The following TUSC3 variants were observed in gnomAD, a reference collection of about 807,000 sequenced individuals.
The protein encoded by TUSC3 is dolichyl-diphosphooligosaccharide--protein glycosyltransferase subunit TUSC3.
In TUSC3, 45 loss-of-function variants were observed where a neutral mutation model predicts 44.8. The observed-to-expected ratio is 1.00, with a 90% CI of 0.79 to 1.29. The LOEUF is 1.29. Among genes scored for constraint, TUSC3 ranks in the 50% most tolerant of loss-of-function variants. The pLI is 0.00. For synonymous variants in TUSC3, 212 were observed against 152.9 expected (o/e 1.39, Z -2.85); for missense variants, 519 against 437.9 (o/e 1.19, Z -1.65).
rs376749620 is a variant in TUSC3 at position 15,730,631 on chromosome 8, C to T, written c.799-35C>T. On this transcript the variant is annotated intron_variant, in intron 6 of 10. Transcript: ENST00000503731. The stretch of plus-strand genomic sequence containing the variant: ...AACTACAAAATAATTATGAGGCTTT[C>T]TCAGACTGTAATTTCTGTTTGTCTT... The T allele has an allele frequency of 4.8e-5, 77 of 1,603,896 alleles. No homozygotes were observed. In the African/African-American group the frequency reaches 8.4e-4, roughly 18 times the overall value.
chr8:15,748,001 C>A (rs1422952570), intron 8 of TUSC3, among the ~76,000 whole-genome samples: 1 of 152,072 alleles, frequency 6.6e-6, no homozygotes, highest in Non-Finnish European at 1.5e-5. Flanking sequence ...TGCTTCATAA[C>A]GCAAGAGGCA....
At chr8:15,743,117 A>T (rs1405641755) in intron 7 of TUSC3, among the ~76,000 whole-genome samples, 1 of 152,222 alleles carries the variant, frequency 6.6e-6, no homozygotes, top group East Asian at 1.9e-4. Context: ...ACTAAACAAA[A>T]TCTATGAAAA....
chr8:15,828,717 A>T, the TUSC3 span, among the ~76,000 whole-genome samples: 3 of 152,234 alleles, frequency 2.0e-5, no homozygotes, highest in Admixed American at 1.3e-4. Flanking sequence ...CTTCTCTGTG[A>T]TACCACAGAC....
upstream of TUSC3, among the ~76,000 whole-genome samples, chr8:15,536,310 T>C (rs1801520842): frequency 6.6e-6 from 1 of 152,144 alleles, no homozygotes; most frequent in African/African-American, 2.4e-5. Context: ...AGATTTTGCA[T>C]TTGCTGGTGA....
chr8:15,785,375 G>T, the TUSC3 span, among the ~76,000 whole-genome samples: 8 of 151,764 alleles, frequency 5.3e-5, no homozygotes, highest in East Asian at 3.9e-4. Context: ...TTGCTTTTAG[G>T]TCTTAGCCTA....
chr8:15,479,109 G>A (rs1800623689), intron 1 of TUSC3, among the ~76,000 whole-genome samples: 2 of 152,042 alleles, frequency 1.3e-5, no homozygotes, highest in Non-Finnish European at 2.9e-5. Flanking sequence ...CATGTCCTTT[G>A]CCTGCTTTTT....
chr8:15,660,872 A>G (rs1344898849), intron 4 of TUSC3, among the ~76,000 whole-genome samples: 2 of 150,562 alleles, frequency 1.3e-5, no homozygotes, highest in Non-Finnish European at 3.0e-5. Context: ...TCTCCCTAGC[A>G]GACTTTACGC....
chr8:15,470,138 G>A (rs1800468298), intron 1 of TUSC3, among the ~76,000 whole-genome samples: 2 of 151,798 alleles, frequency 1.3e-5, no homozygotes, highest in African/African-American at 4.8e-5. Context: ...GCCTAGGCAT[G>A]GTAGTGCGTG....
intron 1 of TUSC3, among the ~76,000 whole-genome samples, chr8:15,481,403 C>T (rs1476443885): frequency 6.6e-6 from 1 of 152,062 alleles, no homozygotes; most frequent in Non-Finnish European, 1.5e-5. Flanking sequence ...CCCTCTTGTT[C>T]CCTCTTTTGC....
intron 2 of TUSC3, among the ~76,000 whole-genome samples, chr8:15,646,379 C>T (rs189245006): frequency 1.3e-5 from 2 of 151,910 alleles, no homozygotes; most frequent in African/African-American, 2.4e-5. Flanking sequence ...TCATTATGTA[C>T]GTAGTGGGGA....
At chr8:15,590,177 C>A (rs1237459729) in intron 1 of TUSC3, among the ~76,000 whole-genome samples, 1 of 152,154 alleles carries the variant, frequency 6.6e-6, no homozygotes, top group Non-Finnish European at 1.5e-5. Context: ...CAATGTACAG[C>A]CTGCTAATGC....
At position 15,439,621 on chromosome 8, in the gene TUSC3, G is replaced by C. The variant is rs569533081; in HGVS notation, n.91+22316G>C. 1.4e-4 allele frequency among the ~76,000 whole-genome samples: 21 copies of C among 152,318 alleles called. 1 individual carries two copies. Among genetic ancestry groups the C allele is most frequent in the African/African-American group, 4.8e-4 (20 of 41,584 alleles). On this transcript the variant is annotated intron_variant and non_coding_transcript_variant, in intron 1 of 5. Coordinates refer to the TUSC3 transcript ENST00000503191. Reference sequence around the variant, plus strand: ...GCAAATGGAAGTCATACACAACACTGTGTTTTAACAAAGTTAGATTCTTTT... The same window carrying C: ...GCAAATGGAAGTCATACACAACACTCTGTTTTAACAAAGTTAGATTCTTTT...
chr8:15,566,288 G>T (rs998128918), intron 1 of TUSC3, among the ~76,000 whole-genome samples: 2 of 152,114 alleles, frequency 1.3e-5, no homozygotes, highest in African/African-American at 4.8e-5. Flanking sequence ...CAGTTTTATT[G>T]TCAGTGTATG....
intron 1 of TUSC3, among the ~76,000 whole-genome samples, chr8:15,459,521 G>C (rs558510681): frequency 6.6e-6 from 1 of 152,108 alleles, no homozygotes; most frequent in South Asian, 2.1e-4. Flanking sequence ...TTGGTTATGT[G>C]AGTACATTCT....
At chr8:15,552,877 C>T (rs1208491704) in intron 1 of TUSC3, among the ~76,000 whole-genome samples, 2 of 151,624 alleles carry the variant, frequency 1.3e-5, no homozygotes, top group Non-Finnish European at 2.9e-5. Context: ...GAAGAGGCTT[C>T]TGCAGATGTC....
At chr8:15,446,015 C>G (rs185250328) in intron 1 of TUSC3, among the ~76,000 whole-genome samples, 1 of 150,154 alleles carries the variant, frequency 6.7e-6, no homozygotes. Context: ...CCAGACGGGC[C>G]GGCTGCCGGG....
At chr8:15,625,016 A>C (rs1805429534) in intron 2 of TUSC3, among the ~76,000 whole-genome samples, 1 of 152,120 alleles carries the variant, frequency 6.6e-6, no homozygotes, top group South Asian at 2.1e-4. Context: ...GTATTTATCA[A>C]GTTGAGGAAG....
intron 1 of TUSC3, among the ~76,000 whole-genome samples, chr8:15,581,464 C>A (rs1003295659): frequency 3.6e-4 from 53 of 148,240 alleles, no homozygotes; most frequent in Non-Finnish European, 7.0e-4. Context: ...TACTTTTGGT[C>A]TTTGATGATG....
rs766923947 is a variant in TUSC3, at chr8:15,659,556, G to A, written c.476G>A (p.Arg159Lys). 3 of 1,613,324 alleles carry A rather than the reference G, an allele frequency of 1.9e-6. No homozygotes were observed. The highest frequency in any genetic ancestry group is 2.5e-6 in the Non-Finnish European group (3 of 1,179,682). The change falls in exon 4 of 11, where the codon AGA (arginine) becomes AAA (lysine). Residue 159 changes from arginine to lysine, a missense_variant. By Grantham distance (26) the Arg-to-Lys change is conservative. Transcript: ENST00000503731. ...TTCATGCATTTTCCTCCAAAAGGCAGACCTAAGAGAGCTGATACTTTTGAC... is the reference window on the plus strand; with the variant it reads ...TTCATGCATTTTCCTCCAAAAGGCAAACCTAAGAGAGCTGATACTTTTGAC... ...PTFMHFPPKG[R>K]PKRADTFDLQ...
Sources: allele counts gnomAD v4.1 joint callset (sites outside exome capture counted in the v4.1 genomes callset), GRCh38; gene constraint gnomAD v4.1.1; transcripts MANE v1.5; gene names NCBI Gene and HGNC (gene_info 2026-07-23, HGNC 2026-07-21).